The following CACNA1D variants were observed in gnomAD, a reference collection of about 807,000 sequenced individuals.
The protein encoded by CACNA1D is calcium voltage-gated channel subunit alpha1 D.
In CACNA1D, 55 loss-of-function variants were observed where a neutral mutation model predicts 257.1. The observed-to-expected ratio is 0.21, with a 90% CI of 0.17 to 0.27. The LOEUF (loss-of-function observed/expected upper bound fraction) is 0.27, where lower values mean the gene tolerates loss of function less well. Among genes scored for constraint, CACNA1D ranks in the 10% least tolerant of loss-of-function variants. CACNA1D has a pLI of 1.00. For missense variants in CACNA1D, 1,876 were observed against 2,784.0 expected (o/e 0.67, Z 7.34); for synonymous variants, 980 against 1,014.9 (o/e 0.97, Z 0.65).
At chr3:53,660,404 C>T in intron 5 of CACNA1D, 129 bp downstream of exon 5, 1 of 811,980 alleles carries the variant, frequency 1.2e-6, no homozygotes, top group Non-Finnish European at 2.1e-6. Flanking sequence ...CCATGGCCTC[C>T]TTCACAGTTG....
At chr3:53,756,762 G>T (rs1257098371) in intron 29 of CACNA1D, among the ~76,000 whole-genome samples, 1 of 152,154 alleles carries the variant, frequency 6.6e-6, no homozygotes, top group African/African-American at 2.4e-5. Flanking sequence ...TCAAAGTGCT[G>T]GCTGCAGCAG....
At chr3:53,707,749 C>G (rs981727828) in intron 9 of CACNA1D, among the ~76,000 whole-genome samples, 1 of 151,674 alleles carries the variant, frequency 6.6e-6, no homozygotes, top group African/African-American at 2.4e-5. Flanking sequence ...AATCTGGAAG[C>G]CTAAAATTCT....
Position 53,673,503 on chromosome 3 carries a change from G to T in CACNA1D, c.1220+377G>T, listed in dbSNP as rs1446095972. On this transcript the variant is annotated intron_variant, in intron 8 of 47. Transcript: ENST00000350061. The surrounding 1 kb of genome is among the most constrained non-coding windows in gnomAD (Gnocchi z 4.1). ...ACGATAGCAAAATGAGCTGGATTGG[G>T]TGGGCTTTTGGTAGTCCCCATTTGT... Among the ~76,000 whole-genome samples the T allele has an allele frequency of 6.6e-6, 1 of 151,806 alleles. No individual in the cohort carries two copies. Among genetic ancestry groups the T allele is most frequent in the African/African-American group, 2.4e-5 (1 of 41,296 alleles).
In CACNA1D at chr3:53,800,518, C is replaced by A. The variant is rs942507336; in HGVS notation, c.5040+153C>A. On this transcript the variant is annotated intron_variant, in intron 41 of 47. Transcript: ENST00000350061. This position sits in a 1 kb window ranked among gnomAD's most constrained non-coding sequence, Gnocchi z 4.3. ...TTCAGACCACACCCTCCCCCTCTTA[C>A]AGACCCTCCCCAGGCATCAGCACCT... 13 of 732,854 alleles carry A rather than the reference C, an allele frequency of 1.8e-5. No homozygotes were observed. In the African/African-American group the frequency reaches 2.1e-4, roughly 12 times the overall value. 45.4% of individuals were successfully genotyped at this position (732,854 alleles called of 1,614,324 possible). A position where few individuals can be genotyped will look rare whatever the true frequency, so the allele number is the denominator to read the frequency against.
At chr3:53,587,647 A>G (rs1031081143) in intron 3 of CACNA1D, among the ~76,000 whole-genome samples, 2 of 152,218 alleles carry the variant, frequency 1.3e-5, no homozygotes, top group Non-Finnish European at 2.9e-5. Context: ...GTGGACAGGA[A>G]TTAGACCACC....
At chr3:53,607,595 A>G (rs185172907) in intron 3 of CACNA1D, among the ~76,000 whole-genome samples, 1 of 152,232 alleles carries the variant, frequency 6.6e-6, no homozygotes, top group Non-Finnish European at 1.5e-5. Context: ...TTATGTAACT[A>G]AATTCTGCCA....
At chr3:53,639,859 CTTTTT>C (rs34925431) in intron 3 of CACNA1D, among the ~76,000 whole-genome samples, 4 of 102,070 alleles carry the variant, frequency 3.9e-5, no homozygotes, top group African/African-American at 4.1e-5. Context: ...TCATTTCTTA[CTTTTT>C]TTTTTTTTTT....
chr3:53,632,265 T>C (rs1307598756), intron 3 of CACNA1D, among the ~76,000 whole-genome samples: 1 of 152,254 alleles, frequency 6.6e-6, no homozygotes, highest in Non-Finnish European at 1.5e-5. Flanking sequence ...TTTTATGTTA[T>C]GGAGATGGCT....
At chr3:53,806,647 C>T (rs527585200) in intron 45 of CACNA1D, among the ~76,000 whole-genome samples, 5 of 152,198 alleles carry the variant, frequency 3.3e-5, no homozygotes, top group South Asian at 2.1e-4. Context: ...CGTGACACAT[C>T]GGCTTCTGAG....
At chr3:53,781,972 A>G (rs538036047) in intron 39 of CACNA1D, 14 of 338,984 alleles carry the variant, frequency 4.1e-5, no homozygotes, top group Non-Finnish European at 7.6e-5. Flanking sequence ...TGAAAAGCCT[A>G]TATTTTTTGT....
intron 3 of CACNA1D, among the ~76,000 whole-genome samples, chr3:53,641,753 G>A (rs775003243): frequency 1.8e-4 from 28 of 152,154 alleles, no homozygotes; most frequent in Non-Finnish European, 3.7e-4. Flanking sequence ...AACAGAGAAC[G>A]GAAAAGATTG....
chr3:53,763,718 G>A (rs2095316793), intron 30 of CACNA1D, among the ~76,000 whole-genome samples: 1 of 152,166 alleles, frequency 6.6e-6, no homozygotes, highest in Non-Finnish European at 1.5e-5. Context: ...TGAAATCCCT[G>A]TATGCCACCT....
At chr3:53,606,177 C>A (rs1178962460) in intron 3 of CACNA1D, among the ~76,000 whole-genome samples, 2 of 152,212 alleles carry the variant, frequency 1.3e-5, no homozygotes, top group Non-Finnish European at 2.9e-5. Flanking sequence ...CCTGTGATTT[C>A]TCAACTGTCT....
intron 18 of CACNA1D, 27 bp from the exon 19 acceptor site, chr3:53,732,788 C>A (rs1025702168): frequency 1.2e-6 from 2 of 1,601,290 alleles, no homozygotes; most frequent in East Asian, 2.2e-5. Flanking sequence ...TTATTTCATG[C>A]CTATAAAAAA....
At chr3:53,770,388 T>C in intron 31 of CACNA1D, 36 bp from the exon 32 acceptor site, 1 of 1,607,526 alleles carries the variant, frequency 6.2e-7, no homozygotes. Context: ...TGTTCTACTT[T>C]CCATTGGGTT....
chr3:53,590,681 C>T (rs1448021114), intron 3 of CACNA1D, among the ~76,000 whole-genome samples: 1 of 152,284 alleles, frequency 6.6e-6, no homozygotes, highest in African/African-American at 2.4e-5. Context: ...GGCCAGATTC[C>T]TTGAGTTAAA....
intron 3 of CACNA1D, among the ~76,000 whole-genome samples, chr3:53,575,662 G>A (rs1223022898): frequency 6.6e-6 from 1 of 152,142 alleles, no homozygotes; most frequent in Non-Finnish European, 1.5e-5. Context: ...AAATAGCAGT[G>A]TCCCTTCATG....
chr3:53,569,735 T>G (rs2092911140), intron 3 of CACNA1D, among the ~76,000 whole-genome samples: 1 of 152,240 alleles, frequency 6.6e-6, no homozygotes, highest in African/African-American at 2.4e-5. Flanking sequence ...TCTTTATCAT[T>G]GATTTGGGGA....
intron 8 of CACNA1D, 58 bp from the exon 9 acceptor site, chr3:53,702,583 C>G: frequency 1.3e-6 from 2 of 1,569,234 alleles, no homozygotes; most frequent in African/African-American, 1.3e-5. Flanking sequence ...GGCAGTGGCT[C>G]AGGATGCAGG....
Sources: allele counts gnomAD v4.1 joint callset (sites outside exome capture counted in the v4.1 genomes callset), GRCh38; gene constraint gnomAD v4.1.1; non-coding constraint Gnocchi (gnomAD v3.1); transcripts MANE v1.5; gene names NCBI Gene and HGNC (gene_info 2026-07-23, HGNC 2026-07-21).